DIAPH3: variants seen among roughly 807,000 people sequenced by gnomAD.
DIAPH3 encodes diaphanous related formin 3.
A neutral mutation model predicts 144.3 loss-of-function variants in DIAPH3; 117 were observed. The ratio of observed to expected loss-of-function variants is 0.81; its 90% confidence interval spans 0.70 to 0.95. The LOEUF is 0.95. Ranked by LOEUF, DIAPH3 falls within the 40% of genes least tolerant of loss-of-function variation. DIAPH3 has a pLI of 0.00. For missense variants in DIAPH3, 1,421 were observed against 1,412.7 expected (o/e 1.01, Z -0.09); for synonymous variants, 519 against 488.9 (o/e 1.06, Z -0.81).
chr13:60,061,923 A>G (rs1333781697), intron 4 of DIAPH3, among the ~76,000 whole-genome samples: 1 of 151,950 alleles, frequency 6.6e-6, no homozygotes, highest in Non-Finnish European at 1.5e-5. Context: ...TCCCTATACA[A>G]ACATCTTTAC....
At chr13:59,672,670 G>A (rs2032441504) in intron 27 of DIAPH3, among the ~76,000 whole-genome samples, 1 of 152,176 alleles carries the variant, frequency 6.6e-6, no homozygotes, top group Admixed American at 6.6e-5. Context: ...CCATATCCCT[G>A]TGGTTTTCCT....
At chr13:60,051,542 C>A (rs996594066) in intron 4 of DIAPH3, among the ~76,000 whole-genome samples, 1 of 152,048 alleles carries the variant, frequency 6.6e-6, no homozygotes, top group African/African-American at 2.4e-5. Context: ...ATTGCTTGAA[C>A]CTGGGAAGCA....
At chr13:59,993,826 T>C (rs922556287) in intron 9 of DIAPH3, among the ~76,000 whole-genome samples, 1 of 151,478 alleles carries the variant, frequency 6.6e-6, no homozygotes. Context: ...TGCCAGTCAT[T>C]ACCCAGGACC....
chr13:60,021,118 C>T (rs1332697486), intron 5 of DIAPH3: 1 of 152,154 alleles, frequency 6.6e-6, no homozygotes, highest in East Asian at 1.9e-4. Flanking sequence ...CCCTTGCCCA[C>T]CAAAAGATCT....
Position 59,668,822 on chromosome 13 carries a change from C to T in DIAPH3, c.3320-1976G>A, listed in dbSNP as rs571195862. 6.4e-5 allele frequency among the ~76,000 whole-genome samples: 9 copies of T among 141,020 alleles called. 1 individual carries two copies. The highest frequency in any genetic ancestry group is 2.2e-4 in the Admixed American group (3 of 13,384). The allele number at this position is 141,020 out of a possible 152,430, so 92.5% of individuals were successfully genotyped here. A position where few individuals can be genotyped will look rare whatever the true frequency, so the allele number is the denominator to read the frequency against. ...GCAAATTATTAAAACTATATATATA[C>T]ACATATATATATATGTATGTATACA... On this transcript the variant is annotated intron_variant, in intron 27 of 27. Transcript: ENST00000400324.
intron 5 of DIAPH3, among the ~76,000 whole-genome samples, chr13:60,020,560 T>G (rs1389341997): frequency 1.6e-4 from 24 of 152,082 alleles, no homozygotes; most frequent in Admixed American, 1.6e-3. Context: ...AGATCGGGTC[T>G]CACTACGTTG....
At chr13:59,848,295 G>C (rs2042770341) in intron 22 of DIAPH3, among the ~76,000 whole-genome samples, 1 of 141,216 alleles carries the variant, frequency 7.1e-6, no homozygotes, top group Non-Finnish European at 1.5e-5. Context: ...TCATCTCAGA[G>C]TAAAGTCAAA....
chr13:59,929,256 T>A (rs2047898797), intron 17 of DIAPH3, among the ~76,000 whole-genome samples: 1 of 152,164 alleles, frequency 6.6e-6, no homozygotes, highest in Non-Finnish European at 1.5e-5. Flanking sequence ...ATATTACAAT[T>A]ATATATTTTG....
intron 14 of DIAPH3, among the ~76,000 whole-genome samples, chr13:59,980,301 A>G (rs1295439521): frequency 6.6e-6 from 1 of 151,610 alleles, no homozygotes; most frequent in Non-Finnish European, 1.5e-5. Context: ...CTTTTCTCTT[A>G]AAATTTTTAT....
At chr13:59,917,085 C>T (rs916761823) in intron 18 of DIAPH3, among the ~76,000 whole-genome samples, 2 of 152,006 alleles carry the variant, frequency 1.3e-5, no homozygotes, top group African/African-American at 4.8e-5. Flanking sequence ...AAATCAATAG[C>T]CTATTATTTT....
intron 20 of DIAPH3, among the ~76,000 whole-genome samples, chr13:59,896,648 G>C (rs2046118839): frequency 6.6e-6 from 1 of 152,086 alleles, no homozygotes; most frequent in Non-Finnish European, 1.5e-5. Flanking sequence ...CTATTAGGCT[G>C]TTATTATACA....
intron 20 of DIAPH3, among the ~76,000 whole-genome samples, chr13:59,910,162 T>C (rs2140229247): frequency 7.5e-6 from 1 of 132,858 alleles, no homozygotes; most frequent in East Asian, 2.2e-4. Context: ...TTAATTCAAG[T>C]GTCAAAACAT....
intron 7 of DIAPH3, among the ~76,000 whole-genome samples, chr13:60,012,073 A>T (rs935360258): frequency 5.3e-5 from 8 of 152,188 alleles, no homozygotes; most frequent in African/African-American, 1.7e-4. Context: ...CCCAATTACA[A>T]GCCTATGAAC....
intron 4 of DIAPH3, among the ~76,000 whole-genome samples, chr13:60,056,699 C>T (rs965039805): frequency 6.6e-5 from 10 of 151,668 alleles, no homozygotes; most frequent in South Asian, 2.1e-4. Flanking sequence ...GTGTACAAGA[C>T]AATAGGAAGT....
At chr13:59,840,636 T>G (rs758252324) in intron 22 of DIAPH3, among the ~76,000 whole-genome samples, 1 of 152,150 alleles carries the variant, frequency 6.6e-6, no homozygotes, top group Non-Finnish European at 1.5e-5. Context: ...ATGTATTTTC[T>G]TATTTTAAAA....
chr13:59,953,410 T>C (rs954172907), intron 17 of DIAPH3, among the ~76,000 whole-genome samples: 13 of 152,026 alleles, frequency 8.6e-5, no homozygotes, highest in Non-Finnish European at 1.6e-4. Context: ...TGTTTGAAGG[T>C]AGAAAGAGAA....
chr13:59,859,200 C>T (rs2043429900), intron 22 of DIAPH3, among the ~76,000 whole-genome samples: 2 of 151,984 alleles, frequency 1.3e-5, no homozygotes, highest in Admixed American at 1.3e-4. Context: ...TCAGTGATGG[C>T]TTTTCTATGT....
intron 1 of DIAPH3, among the ~76,000 whole-genome samples, chr13:60,156,939 A>ATATATATT: frequency 1.2e-5 from 1 of 82,046 alleles, no homozygotes; most frequent in Non-Finnish European, 2.3e-5. Flanking sequence ...ATATATATAT[A>ATATATATT]TTTTTTTTTT....
chr13:59,672,347 A>G (rs1330361237), intron 27 of DIAPH3, among the ~76,000 whole-genome samples: 1 of 152,234 alleles, frequency 6.6e-6, no homozygotes, highest in Non-Finnish European at 1.5e-5. Flanking sequence ...TTTGTGGTCA[A>G]TGGTGAGTTG....
Sources: allele counts gnomAD v4.1 joint callset (sites outside exome capture counted in the v4.1 genomes callset), GRCh38; gene constraint gnomAD v4.1.1; transcripts MANE v1.5; gene names NCBI Gene and HGNC (gene_info 2026-07-23, HGNC 2026-07-21).